The following ADPRHL1 variants were observed in gnomAD, a reference collection of about 807,000 sequenced individuals.
The protein encoded by ADPRHL1 is inactive ADP-ribosyltransferase ARH2.
In ADPRHL1, 43 loss-of-function variants were observed where a neutral mutation model predicts 44.1. The observed-to-expected ratio is 0.98, with a 90% CI of 0.76 to 1.26. The LOEUF is 1.26. Among genes scored for constraint, ADPRHL1 ranks in the 50% most tolerant of loss-of-function variants. ADPRHL1 has a pLI of 0.00. For synonymous variants in ADPRHL1, 878 were observed against 1,017.4 expected, an observed-to-expected ratio of 0.86 and a Z score of 2.61; for missense variants, 2,022 against 2,496.9, an observed-to-expected ratio of 0.81 and a Z score of 4.05.
intron 7 of ADPRHL1, among the ~76,000 whole-genome samples, chr13:113,421,684 A>G (rs1178395479): frequency 6.6e-6 from 1 of 152,218 alleles, no homozygotes; most frequent in Non-Finnish European, 1.5e-5. Context: ...GTCCACTCAC[A>G]CAGGAATCCT....
rs1003579103 is a variant in ADPRHL1, at chr13:113,405,454, C to T, written c.3828G>A (p.Val1276=). Reference sequence around the variant, plus strand: ...CAGGGCCATAGCTGGGGGACTCTGCCACGCTCCTTGCCTGTGGCCTAGGAT... The same window carrying T: ...CAGGGCCATAGCTGGGGGACTCTGCTACGCTCCTTGCCTGTGGCCTAGGAT... ...SDHPRPQARS[V]AESPSYGPGL... Residue 1276 remains valine, a synonymous_variant, in exon 8 of 8, where the codon GTG becomes GTA. Coordinates refer to ENST00000612156, the MANE Select transcript of ADPRHL1 (RefSeq NM_001394807.1). 8.9e-6 allele frequency: 11 copies of T among 1,231,878 alleles called. No homozygotes were observed. The Admixed American group carries it at 1.3e-4, about 14-fold the overall frequency. The allele number at this position is 1,231,878 out of a possible 1,614,324, so 76.3% of individuals were successfully genotyped here.
At chr13:113,418,300 A>G (rs953749194) in intron 7 of ADPRHL1, among the ~76,000 whole-genome samples, 2 of 152,170 alleles carry the variant, frequency 1.3e-5, no homozygotes, top group Non-Finnish European at 2.9e-5. Context: ...ATGGCTGGCC[A>G]TTAGGGAGCC....
At chr13:113,415,026 C>T (rs1707017804) in intron 7 of ADPRHL1, among the ~76,000 whole-genome samples, 2 of 152,100 alleles carry the variant, frequency 1.3e-5, no homozygotes, top group African/African-American at 4.8e-5. Flanking sequence ...CCCCTGAAGC[C>T]ATGAAGATCA....
At chr13:113,416,607 T>C (rs2043888394) in intron 7 of ADPRHL1, among the ~76,000 whole-genome samples, 1 of 152,164 alleles carries the variant, frequency 6.6e-6, no homozygotes, top group Admixed American at 6.5e-5. Flanking sequence ...TGAGCTTCTG[T>C]CACCAATTTG....
At chr13:113,421,953 A>G (rs189531306) in intron 7 of ADPRHL1, 2 of 152,368 alleles carry the variant, frequency 1.3e-5, no homozygotes, top group East Asian at 3.9e-4. Context: ...ACATCAGTCA[A>G]CTGCTGTTTT....
intron 7 of ADPRHL1, among the ~76,000 whole-genome samples, chr13:113,420,043 G>A (rs576571353): frequency 9.6e-4 from 145 of 151,680 alleles, no homozygotes; most frequent in Non-Finnish European, 1.7e-3. Context: ...GACCGTGACC[G>A]TGTTATCTGG....
In ADPRHL1 at chr13:113,424,290, C is replaced by T. The variant is rs1416446977; in HGVS notation, c.834G>A (p.Met278Ile). Residue 278 changes from methionine to isoleucine, a missense_variant, in exon 6 of 8, where the codon ATG (methionine) becomes ATA (isoleucine). Transcript: ENST00000612156. ...CTGCAAGGAGGGCGTCATAGGCTATCATGGGGGCATCGTGGCCTCGTCTTC... is the reference window on the plus strand; with the variant it reads ...CTGCAAGGAGGGCGTCATAGGCTATTATGGGGGCATCGTGGCCTCGTCTTC... ...RGGRRGHDAP[M>I]IAYDALLAAG... 4 of 1,612,912 alleles carry T rather than the reference C, an allele frequency of 2.5e-6. No individual in the cohort carries two copies. Among genetic ancestry groups the T allele is most frequent in the Non-Finnish European group, 8.5e-7 (1 of 1,179,926 alleles).
chr13:113,422,627 T>C, intron 7 of ADPRHL1, 199 bp downstream of exon 7: 2 of 724,294 alleles, frequency 2.8e-6, no homozygotes, highest in Middle Eastern at 4.0e-4. Context: ...GGACGGAAAA[T>C]ATTCTCGCAG....
chr13:113,409,317 A>C lies in ADPRHL1; in HGVS notation c.1062-1097T>G. On this transcript the variant is annotated intron_variant, in intron 7 of 7. Transcript: ENST00000612156. This position sits in a 1 kb window ranked among gnomAD's most constrained non-coding sequence, Gnocchi z 4.2. ...CCGTCTCTGACCTCCCCAGATGATA[A>C]TTTTGGGTAGACGCACCCAGAATCT... is the stretch of plus-strand genomic sequence containing the variant. The C allele has an allele frequency of 2.0e-6, 2 of 985,346 alleles. No homozygotes were observed. Among genetic ancestry groups the C allele is most frequent in the Non-Finnish European group, 2.4e-6 (2 of 829,908 alleles). The allele number at this position is 985,346 out of a possible 1,614,324, so 61.0% of individuals were successfully genotyped here. A position where few individuals can be genotyped will look rare whatever the true frequency, so the allele number is the denominator to read the frequency against.
chr13:113,444,772 A>G (rs970766382), intron 1 of ADPRHL1, among the ~76,000 whole-genome samples, 183 bp from the exon 2 acceptor site: 6 of 152,056 alleles, frequency 3.9e-5, no homozygotes, highest in East Asian at 1.9e-4. Flanking sequence ...ACAGGTGCCC[A>G]CCACCACGCC....
chr13:113,429,529 G>A (rs1339055216), intron 3 of ADPRHL1, among the ~76,000 whole-genome samples: 3 of 152,266 alleles, frequency 2.0e-5, no homozygotes, highest in Non-Finnish European at 2.9e-5. Context: ...CATTCCGTGC[G>A]TGGACGAACG....
At position 113,406,708 on chromosome 13, in the gene ADPRHL1, G is replaced by C. The variant is rs1205139338; in HGVS notation, c.2574C>G (p.Thr858=). 2 of 1,231,822 alleles carry C rather than the reference G, an allele frequency of 1.6e-6. No homozygotes were observed. The highest frequency in any genetic ancestry group is 4.2e-5 in the Admixed American group (1 of 23,700). 76.3% of individuals were successfully genotyped at this position (1,231,822 alleles called of 1,614,324 possible). The part of the protein sequence containing the change: ...PVVHEMPAPP[T]RLQNMSSGEN... ...CACCACTTGACATATTTTGCAGCCTGGTGGGAGGGGCTGGCATTTCATGGA... is the reference window on the plus strand; with the variant it reads ...CACCACTTGACATATTTTGCAGCCTCGTGGGAGGGGCTGGCATTTCATGGA... The change falls in exon 8 of 8, where the codon ACC becomes ACG. Residue 858 remains threonine (T), a synonymous_variant. Coordinates refer to ENST00000612156, the MANE Select transcript of ADPRHL1 (RefSeq NM_001394807.1).
rs2043753046 is a variant in ADPRHL1 at position 113,400,527 on chromosome 13, G to GC, written c.*2850dup. ...TAAAATGCCCGTGGAGGTGGTTAGC[G>GC]CCCCATTCTTCTGCTGTAGTTATTT... On this transcript the variant is annotated 3_prime_UTR_variant, in exon 8 of 8. Transcript: ENST00000612156. 6.6e-6 allele frequency: 1 copy of GC among 151,216 alleles called. No individual in the cohort carries two copies. The highest frequency in any genetic ancestry group is 2.4e-5 in the African/African-American group (1 of 41,016). 9.4% of individuals were successfully genotyped at this position (151,216 alleles called of 1,614,324 possible).
chr13:113,444,411 AG>A lies in ADPRHL1; in HGVS notation c.379+13del. 6.2e-7 allele frequency: 1 copy of A among 1,611,234 alleles called. No homozygotes were observed. Among genetic ancestry groups the A allele is most frequent in the Admixed American group, 1.7e-5 (1 of 59,970 alleles). ...CAGGGTGGCTTTAGGGGGAGAGGAGAGGATTTCCCTGACCTTTTTCATTGAA... is the reference window on the plus strand; with the variant it reads ...CAGGGTGGCTTTAGGGGGAGAGGAGAGATTTCCCTGACCTTTTTCATTGAA... On this transcript the variant is annotated intron_variant, in intron 2 of 7. Transcript: ENST00000612156.
chr13:113,413,310 G>A (rs2139604932), intron 7 of ADPRHL1, among the ~76,000 whole-genome samples: 1 of 152,288 alleles, frequency 6.6e-6, no homozygotes, highest in South Asian at 2.1e-4. Context: ...CCTCCCTGAC[G>A]AGCTCCTATT....
At chr13:113,450,855 T>C (rs1415457680) in intron 1 of ADPRHL1, among the ~76,000 whole-genome samples, 2 of 152,118 alleles carry the variant, frequency 1.3e-5, no homozygotes, top group Non-Finnish European at 2.9e-5. Flanking sequence ...GGGAGACGGT[T>C]AGGCCTCCGG....
intron 1 of ADPRHL1, among the ~76,000 whole-genome samples, chr13:113,446,950 T>G (rs1413439327): frequency 3.4e-4 from 35 of 103,786 alleles, no homozygotes; most frequent in Middle Eastern, 5.6e-3. Flanking sequence ...GTGTCTACAC[T>G]CACGGTGTTG....
chr13:113,451,146 T>C (rs1013931348), intron 1 of ADPRHL1, among the ~76,000 whole-genome samples: 8 of 152,226 alleles, frequency 5.3e-5, no homozygotes, highest in Non-Finnish European at 1.2e-4. Context: ...CACACCTCAC[T>C]ATGTCCCCTC....
chr13:113,432,262 G>A (rs1381712386), intron 3 of ADPRHL1, among the ~76,000 whole-genome samples: 2 of 152,022 alleles, frequency 1.3e-5, no homozygotes, highest in African/African-American at 2.4e-5. Context: ...ACACAGGTGC[G>A]TGCCGTCATG....
Sources: gnomAD v4.1 joint callset for allele counts (sites outside exome capture counted in the v4.1 genomes callset) on GRCh38, gnomAD v4.1.1 for gene constraint, Gnocchi (gnomAD v3.1) non-coding constraint, MANE v1.5 for transcripts, NCBI Gene and HGNC (gene_info 2026-07-23, HGNC 2026-07-21) for gene names.